The following ARMC9 variants were observed in gnomAD, a reference collection of about 807,000 sequenced individuals.
The protein encoded by ARMC9 is lisH domain-containing protein ARMC9.
In ARMC9, 94 loss-of-function variants were observed where a neutral mutation model predicts 107.0. The ratio of observed to expected loss-of-function variants is 0.88; its 90% CI spans 0.74 to 1.04. The LOEUF (loss-of-function observed/expected upper bound fraction) is 1.04, where lower values mean the gene tolerates loss of function less well. Ranked by LOEUF, ARMC9 falls within the 50% of genes least tolerant of loss-of-function variation. ARMC9 has a pLI of 0.00. For synonymous variants in ARMC9, 380 were observed against 396.9 expected (o/e 0.96, Z 0.51); for missense variants, 942 against 1,030.1 (o/e 0.91, Z 1.17).
rs1242329914 is a variant in ARMC9 at position 231,360,049 on chromosome 2, G to A, written c.2132-705G>A. On this transcript the variant is annotated intron_variant, in intron 22 of 24. Transcript: ENST00000611582. The surrounding 1 kb of genome is among the most constrained non-coding windows in gnomAD (Gnocchi z 4.7). The stretch of plus-strand genomic sequence containing the variant: ...GTGACATGGACCCCTTCAGCTGTAG[G>A]AGAAGAGGAGAGGCGGGGTGGGGGA... 1.3e-5 allele frequency among the ~76,000 whole-genome samples: 2 copies of A among 152,190 alleles called. No homozygotes were observed. Among genetic ancestry groups the A allele is most frequent in the Non-Finnish European group, 2.9e-5 (2 of 68,036 alleles).
rs1399277917 is a variant in ARMC9, at chr2:231,358,239, G to A, written c.2131+2305G>A. On this transcript the variant is annotated intron_variant, in intron 22 of 24. Coordinates refer to ENST00000611582, the MANE Select transcript of ARMC9 (RefSeq NM_001352754.2). This position sits in a 1 kb window ranked among gnomAD's most constrained non-coding sequence, Gnocchi z 4.5. ...GCAGGGAGTGGGCAGTGCTGGGCTG[G>A]GCATGGGCACCCCTGAGCCATGTTG... Among the ~76,000 whole-genome samples, 1 of 152,100 alleles carries A rather than the reference G, an allele frequency of 6.6e-6. No homozygotes were observed. The highest frequency in any genetic ancestry group is 1.5e-5 in the Non-Finnish European group (1 of 68,022).
chr2:231,211,759 CTTG>C, intron 3 of ARMC9, among the ~76,000 whole-genome samples: 1 of 152,260 alleles, frequency 6.6e-6, no homozygotes, highest in East Asian at 1.9e-4. Flanking sequence ...CTTGCCAATG[CTTG>C]TTATTTTCTC....
intron 2 of ARMC9, 27 bp downstream of exon 2, chr2:231,206,316 C>A: frequency 6.3e-7 from 1 of 1,583,344 alleles, no homozygotes; most frequent in South Asian, 1.1e-5. Context: ...AAGCAGAGGT[C>A]ACAGAGAAAC....
At chr2:231,262,944 G>T (rs114311731) in intron 12 of ARMC9, among the ~76,000 whole-genome samples, 1 of 152,188 alleles carries the variant, frequency 6.6e-6, no homozygotes, top group Non-Finnish European at 1.5e-5. Context: ...AAGGAGCCGC[G>T]CCTGCCTCGG....
At position 231,273,009 on chromosome 2, in the gene ARMC9, TGAAG is replaced by T; in HGVS notation, c.1268_1271del (p.Lys423ArgfsTer29). 6.2e-7 allele frequency: 1 copy of T among 1,613,956 alleles called. No individual in the cohort carries two copies. Among genetic ancestry groups the T allele is most frequent in the Non-Finnish European group, 8.5e-7 (1 of 1,179,938 alleles). On this transcript the variant is annotated frameshift_variant, in exon 14 of 25. Coordinates refer to ENST00000611582, the MANE Select transcript of ARMC9 (RefSeq NM_001352754.2). LOFTEE classifies it high-confidence loss of function. ...GTGCTGCAGATGCTGGAGGGAAGGC[TGAAG>T]GAGGAGGACAAGGATATCATCACCA...
At position 231,262,367 on chromosome 2, in the gene ARMC9, A is replaced by T. The variant is rs758714320; in HGVS notation, c.1088A>T (p.Asn363Ile). 6.2e-7 allele frequency: 1 copy of T among 1,614,140 alleles called. No individual in the cohort carries two copies. Among genetic ancestry groups the T allele is most frequent in the East Asian group, 2.2e-5 (1 of 44,876 alleles). ...ACCGTTCTGCAAGCCTACATCAGCA[A>T]TGACCTCTTGGACTGTTATAGCCAC... ...RETVLQAYIS[N>I]DLLDCYSHNQ... The change falls in exon 12 of 25, where the codon AAT becomes ATT. Residue 363 changes from asparagine to isoleucine, a missense_variant. Coordinates refer to ENST00000611582, the MANE Select transcript of ARMC9 (RefSeq NM_001352754.2).
chr2:231,323,437 T>C (rs1379018452), intron 19 of ARMC9, among the ~76,000 whole-genome samples: 2 of 152,206 alleles, frequency 1.3e-5, no homozygotes, highest in African/African-American at 4.8e-5. Context: ...CCGCAGGTAG[T>C]GGGCTCCTCT....
chr2:231,226,574 T>A (rs891078911), intron 6 of ARMC9, among the ~76,000 whole-genome samples, 200 bp from the exon 7 acceptor site: 1 of 152,166 alleles, frequency 6.6e-6, no homozygotes, highest in African/African-American at 2.4e-5. Context: ...AGGACTTGCC[T>A]TCTTCTGAAA....
intron 5 of ARMC9, among the ~76,000 whole-genome samples, chr2:231,221,282 TTTC>T (rs1348692428): frequency 1.3e-5 from 2 of 152,142 alleles, no homozygotes; most frequent in Non-Finnish European, 2.9e-5. Context: ...GTGTCTAAAT[TTTC>T]TTCTTCTTGT....
intron 8 of ARMC9, among the ~76,000 whole-genome samples, chr2:231,238,128 T>C (rs1559334068): frequency 6.6e-6 from 1 of 151,908 alleles, no homozygotes; most frequent in Non-Finnish European, 1.5e-5. Flanking sequence ...GTTGAGACAG[T>C]AAATGCAAGC....
intron 5 of ARMC9, among the ~76,000 whole-genome samples, chr2:231,217,483 T>A (rs12473900): frequency 6.6e-6 from 1 of 151,714 alleles, no homozygotes; most frequent in Non-Finnish European, 1.5e-5. Context: ...GGCAGAACAG[T>A]TGCTCAAACC....
intron 6 of ARMC9, among the ~76,000 whole-genome samples, chr2:231,223,287 A>C (rs1048706417): frequency 6.6e-6 from 1 of 152,206 alleles, no homozygotes; most frequent in African/African-American, 2.4e-5. Flanking sequence ...GTACAATTTA[A>C]TGCTTTTTGG....
chr2:231,339,095 C>A (rs1409586324), intron 20 of ARMC9, among the ~76,000 whole-genome samples: 4 of 152,028 alleles, frequency 2.6e-5, no homozygotes, highest in Non-Finnish European at 5.9e-5. Flanking sequence ...TTTGGGAGGC[C>A]AAGGCGGGCA....
In ARMC9 at chr2:231,256,284, G is replaced by A. The variant is rs574835439; in HGVS notation, c.880-302G>A. ...GTGCTCACCCTTTTGGAGTCAGAGC[G>A]AGAAGCCCGGAGGTTGCGCTGAGCT... On this transcript the variant is annotated intron_variant, in intron 9 of 24. Coordinates refer to ENST00000611582, the MANE Select transcript of ARMC9 (RefSeq NM_001352754.2). 1.5e-4 allele frequency: 234 copies of A among 1,553,596 alleles called. 1 individual carries two copies. Among genetic ancestry groups the A allele is most frequent in the South Asian group, 1.3e-3 (106 of 84,072 alleles).
intron 19 of ARMC9, among the ~76,000 whole-genome samples, chr2:231,323,429 G>T (rs540633404): frequency 2.6e-5 from 4 of 152,256 alleles, no homozygotes; most frequent in African/African-American, 9.6e-5. Flanking sequence ...ATTTCCCACC[G>T]CAGGTAGTGG....
chr2:231,201,143 T>TC (rs55685192), intron 1 of ARMC9, among the ~76,000 whole-genome samples: 27 of 151,994 alleles, frequency 1.8e-4, no homozygotes, highest in Non-Finnish European at 7.4e-5. Context: ...GAGGTGGGTG[T>TC]CCCCCAGGAG....
intron 20 of ARMC9, among the ~76,000 whole-genome samples, chr2:231,339,603 G>A (rs182202513): frequency 7.8e-4 from 119 of 152,162 alleles, no homozygotes; most frequent in Non-Finnish European, 1.3e-3. Context: ...TGCATGACCC[G>A]TTTTGTTATT....
At chr2:231,280,469 T>G (rs994159474) in intron 16 of ARMC9, among the ~76,000 whole-genome samples, 9 of 151,644 alleles carry the variant, frequency 5.9e-5, no homozygotes, top group African/African-American at 2.2e-4. Flanking sequence ...AAAAAATAAA[T>G]AAATAAAGTA....
intron 23 of ARMC9, among the ~76,000 whole-genome samples, chr2:231,369,458 A>C (rs2045933161): frequency 6.6e-6 from 1 of 151,642 alleles, no homozygotes; most frequent in Non-Finnish European, 1.5e-5. Flanking sequence ...ATGCCTGGGT[A>C]ATTTTTGTAT....
Sources: allele counts gnomAD v4.1 joint callset (sites outside exome capture counted in the v4.1 genomes callset), GRCh38; gene constraint gnomAD v4.1.1; non-coding constraint Gnocchi (gnomAD v3.1); transcripts MANE v1.5; gene names NCBI Gene and HGNC (gene_info 2026-07-23, HGNC 2026-07-21).